The following TBC1D15 variants were observed in gnomAD, a reference collection of about 807,000 sequenced individuals.
The protein encoded by TBC1D15 is GAP for RAB7.
In TBC1D15, 39 loss-of-function variants were observed where a neutral mutation model predicts 95.4. The ratio of observed to expected loss-of-function variants is 0.41; its 90% CI spans 0.32 to 0.53. The LOEUF (loss-of-function observed/expected upper bound fraction) is 0.53. TBC1D15 is among the 20% of genes least tolerant of loss of function. The pLI is 0.29. For synonymous variants in TBC1D15, 258 were observed against 261.3 expected, an observed-to-expected ratio of 0.99 and a Z score of 0.12; for missense variants, 733 against 794.3, an observed-to-expected ratio of 0.92 and a Z score of 0.93.
intron 1 of TBC1D15, among the ~76,000 whole-genome samples, chr12:71,871,417 A>G (rs894938304): frequency 1.3e-5 from 2 of 152,172 alleles, no homozygotes; most frequent in African/African-American, 2.4e-5. Flanking sequence ...TGGTGTTTCA[A>G]AAACACGCCA....
At chr12:71,851,179 CAGGAGG>C (rs1555194745) in intron 1 of TBC1D15, among the ~76,000 whole-genome samples, 3 of 151,862 alleles carry the variant, frequency 2.0e-5, no homozygotes, top group Non-Finnish European at 2.9e-5. Context: ...TCACATAGAG[CAGGAGG>C]AAGGGGGAGG....
At chr12:71,921,942 T>G (rs1165851714) in intron 16 of TBC1D15, among the ~76,000 whole-genome samples, 2 of 152,202 alleles carry the variant, frequency 1.3e-5, no homozygotes, top group African/African-American at 4.8e-5. Context: ...TTGATGTGTT[T>G]TAGCTTTTTC....
intron 1 of TBC1D15, chr12:71,841,204 C>T (rs1040378399): frequency 6.6e-6 from 1 of 152,100 alleles, no homozygotes; most frequent in African/African-American, 2.4e-5. Flanking sequence ...GAGGGGATCC[C>T]TTCCGTTTAA....
intron 1 of TBC1D15, among the ~76,000 whole-genome samples, chr12:71,869,574 A>G (rs1159834347): frequency 6.6e-6 from 1 of 152,176 alleles, no homozygotes. Flanking sequence ...AGAATTAAAC[A>G]GTGGTTACCA....
At chr12:71,885,649 TA>T in intron 5 of TBC1D15, among the ~76,000 whole-genome samples, 1 of 152,256 alleles carries the variant, frequency 6.6e-6, no homozygotes, top group East Asian at 1.9e-4. Context: ...TGTCAACAAG[TA>T]AAATGGCAAT....
chr12:71,848,672 G>T (rs79544955), intron 1 of TBC1D15, among the ~76,000 whole-genome samples: 14,690 of 151,850 alleles, frequency 0.097, 839 homozygotes, highest in East Asian at 0.16. Context: ...TATAAAAGGG[G>T]GGCCAAATCT....
At chr12:71,917,174 G>A (rs981020620) in intron 12 of TBC1D15, among the ~76,000 whole-genome samples, 6 of 152,172 alleles carry the variant, frequency 3.9e-5, no homozygotes, top group South Asian at 4.2e-4. Flanking sequence ...ACATCATACA[G>A]CCTTTGCACT....
At chr12:71,892,166 G>T (rs1897295368) in intron 5 of TBC1D15, among the ~76,000 whole-genome samples, 1 of 151,764 alleles carries the variant, frequency 6.6e-6, no homozygotes. Flanking sequence ...TCCCTCCTAT[G>T]TCAAATGACT....
chr12:71,896,391 T>A, intron 8 of TBC1D15: 1 of 441,182 alleles, frequency 2.3e-6, no homozygotes, highest in South Asian at 3.7e-5. Context: ...GGCATTTGCC[T>A]TATTCTGTAA....
At chr12:71,896,915 T>G in intron 9 of TBC1D15, 135 bp downstream of exon 9, 1 of 581,158 alleles carries the variant, frequency 1.7e-6, no homozygotes, top group South Asian at 3.4e-5. Flanking sequence ...TGTTTTAACT[T>G]AAAAATTATG....
chr12:71,843,104 G>A (rs1433942443), intron 1 of TBC1D15, among the ~76,000 whole-genome samples: 1 of 151,948 alleles, frequency 6.6e-6, no homozygotes, highest in Non-Finnish European at 1.5e-5. Context: ...GGCCAGCATG[G>A]TGAAACTCTG....
At chr12:71,861,563 C>T (rs1056060666) in intron 1 of TBC1D15, 6 of 1,373,972 alleles carry the variant, frequency 4.4e-6, no homozygotes, top group Non-Finnish European at 4.8e-6. Flanking sequence ...TTTTAAATTT[C>T]TGATTTTATT....
chr12:71,841,826 C>CTT lies in TBC1D15; in HGVS notation c.30+2016_30+2017insTT, dbSNP rs1491300728. 3.9e-5 allele frequency among the ~76,000 whole-genome samples: 6 copies of CTT among 152,244 alleles called. No homozygotes were observed. In the East Asian group the frequency reaches 5.8e-4, roughly 15 times the overall value. Reference sequence around the variant, plus strand: ...TCTTGATTTAAAAAGCAAATGAAAACTCTTCACTTTTTTATCGTCAGCATA... The same window carrying CTT: ...TCTTGATTTAAAAAGCAAATGAAAACTTTCTTCACTTTTTTATCGTCAGCATA... On this transcript the variant is annotated intron_variant, in intron 1 of 16. Coordinates refer to ENST00000485960, the MANE Select transcript of TBC1D15 (RefSeq NM_001146213.3).
chr12:71,880,530 A>C lies in TBC1D15; in HGVS notation c.266A>C (p.Glu89Ala). The change falls in exon 4 of 17, where the codon GAA becomes GCA. Residue 89 changes from glutamate (E) to alanine (A), a missense_variant. Physicochemically the swap from Glu to Ala is moderately radical, Grantham distance 107. Transcript: ENST00000485960. ...APKERGHRGSEHLNSYEAEWD... is the reference protein window; with the variant it reads ...APKERGHRGSAHLNSYEAEWD... ...AAAGAAAGAGGTCATCGAGGATCAG[A>C]ACATCTGAACAGTTACGAAGCAGAA... 6.2e-7 allele frequency: 1 copy of C among 1,613,408 alleles called. No individual in the cohort carries two copies. The highest frequency in any genetic ancestry group is 8.5e-7 in the Non-Finnish European group (1 of 1,179,626).
intron 11 of TBC1D15, among the ~76,000 whole-genome samples, chr12:71,908,630 T>C (rs1901407674): frequency 6.6e-6 from 1 of 152,176 alleles, no homozygotes; most frequent in African/African-American, 2.4e-5. Context: ...AGTTGCAGAG[T>C]TTTCTTTAAA....
Position 71,850,755 on chromosome 12 carries a change from G to A in TBC1D15, c.30+10944G>A, listed in dbSNP as rs144870852. Among the ~76,000 whole-genome samples the A allele has an allele frequency of 5.8e-3, 878 of 152,184 alleles. 8 individuals are homozygous for A. The highest frequency in any genetic ancestry group is 0.02 in the African/African-American group (818 of 41,538). ...TGTAATCCTAGCACTTTGGGAGACCGAGGTGGGTGGATCGTGAGGTCAGGA... is the reference window on the plus strand; with the variant it reads ...TGTAATCCTAGCACTTTGGGAGACCAAGGTGGGTGGATCGTGAGGTCAGGA... On this transcript the variant is annotated intron_variant, in intron 1 of 16. Coordinates refer to ENST00000485960, the MANE Select transcript of TBC1D15 (RefSeq NM_001146213.3).
At chr12:71,869,288 C>T (rs1442580659) in intron 1 of TBC1D15, among the ~76,000 whole-genome samples, 1 of 152,144 alleles carries the variant, frequency 6.6e-6, no homozygotes, top group Non-Finnish European at 1.5e-5. Context: ...TTTGAGAGGC[C>T]AAGGTGGGCA....
At chr12:71,902,623 C>A (rs1899667115) in intron 10 of TBC1D15, among the ~76,000 whole-genome samples, 1 of 152,078 alleles carries the variant, frequency 6.6e-6, no homozygotes, top group African/African-American at 2.4e-5. Context: ...ACTATAAAGA[C>A]CCTAGAAGAA....
intron 5 of TBC1D15, among the ~76,000 whole-genome samples, chr12:71,892,978 T>C (rs1897458662): frequency 6.6e-6 from 1 of 151,844 alleles, no homozygotes. Flanking sequence ...ATACACTTTA[T>C]ATTTGTTTTA....
Sources: allele counts gnomAD v4.1 joint callset (sites outside exome capture counted in the v4.1 genomes callset), GRCh38; gene constraint gnomAD v4.1.1; transcripts MANE v1.5; gene names NCBI Gene and HGNC (gene_info 2026-07-23, HGNC 2026-07-21).